The following UNC5C variants were observed in gnomAD, a reference collection of about 807,000 sequenced individuals.
UNC5C encodes netrin receptor UNC5C.
In UNC5C, 47 loss-of-function variants were observed where a neutral mutation model predicts 99.8. The observed-to-expected ratio is 0.47, with a 90% CI of 0.37 to 0.60. The LOEUF is 0.60. Ranked by LOEUF, UNC5C falls within the 20% of genes least tolerant of loss-of-function variation. The pLI is 0.00. For synonymous variants in UNC5C, 487 were observed against 452.2 expected, an observed-to-expected ratio of 1.08 and a Z score of -0.98; for missense variants, 1,062 against 1,165.9, an observed-to-expected ratio of 0.91 and a Z score of 1.30.
At position 95,317,773 on chromosome 4, in the gene UNC5C, T is replaced by C. The variant is rs531924613; in HGVS notation, c.347-16024A>G. ...TTGCCTGTTCCATTTATAGTTACCT[T>C]AGAAATACCGACCAAATGAGGAAAA... is the stretch of plus-strand genomic sequence containing the variant. On this transcript the variant is annotated intron_variant, in intron 2 of 15. Coordinates refer to ENST00000453304, the MANE Select transcript of UNC5C (RefSeq NM_003728.4). Among the ~76,000 whole-genome samples the C allele has an allele frequency of 6.6e-5, 10 of 152,256 alleles. No individual in the cohort carries two copies. The East Asian group carries it at 1.9e-3, about 29-fold the overall frequency.
At chr4:95,275,113 G>C (rs927746013) in intron 4 of UNC5C, among the ~76,000 whole-genome samples, 6 of 152,092 alleles carry the variant, frequency 3.9e-5, no homozygotes, top group African/African-American at 1.4e-4. Flanking sequence ...CAATTATTTG[G>C]TAGTGTTGTT....
intron 10 of UNC5C, among the ~76,000 whole-genome samples, chr4:95,212,415 T>TA (rs1199099229): frequency 6.6e-6 from 1 of 152,194 alleles, no homozygotes; most frequent in Non-Finnish European, 1.5e-5. Flanking sequence ...TGTCTACCCT[T>TA]ACAAACCTTC....
intron 1 of UNC5C, among the ~76,000 whole-genome samples, chr4:95,409,337 A>G (rs768977337): frequency 1.3e-5 from 2 of 152,268 alleles, no homozygotes; most frequent in Admixed American, 6.5e-5. Context: ...ACTCTCATCC[A>G]TCACTCCCAA....
chr4:95,364,531 T>C (rs1489042103), intron 1 of UNC5C, among the ~76,000 whole-genome samples: 2 of 152,200 alleles, frequency 1.3e-5, no homozygotes, highest in South Asian at 2.1e-4. Flanking sequence ...TAGAACCAAA[T>C]GTGTGGCACC....
Position 95,165,449 on chromosome 4 carries a change from C to T in UNC5C, c.*3785G>A, listed in dbSNP as rs988058779. ...AGGTGACTGTTCATTTGGAAGATGCCGTTTGTGAAACAGCTGTTAGCTGTG... is the reference window on the plus strand; with the variant it reads ...AGGTGACTGTTCATTTGGAAGATGCTGTTTGTGAAACAGCTGTTAGCTGTG... On this transcript the variant is annotated 3_prime_UTR_variant, in exon 16 of 16. Coordinates refer to ENST00000453304, the MANE Select transcript of UNC5C (RefSeq NM_003728.4). 1 of 152,120 alleles carries T rather than the reference C, an allele frequency of 6.6e-6. No individual in the cohort carries two copies. Among genetic ancestry groups the T allele is most frequent in the African/African-American group, 2.4e-5 (1 of 41,420 alleles). The allele number at this position is 152,120 out of a possible 1,614,324, so 9.4% of individuals were successfully genotyped here.
intron 1 of UNC5C, among the ~76,000 whole-genome samples, chr4:95,378,991 T>C (rs1198413733): frequency 1.3e-5 from 2 of 152,234 alleles, no homozygotes; most frequent in East Asian, 3.9e-4. Flanking sequence ...TAGGAAAAAT[T>C]ACATATTATT....
chr4:95,448,260 G>GAGAGAGAGAGAGAGAGAGAGAC (rs1560836896), intron 1 of UNC5C, among the ~76,000 whole-genome samples: 6 of 149,970 alleles, frequency 4.0e-5, no homozygotes, highest in African/African-American at 1.5e-4. Flanking sequence ...GAGAGAGAGA[G>GAGAGAGAGAGAGAGAGAGAGAC]AGAAAGCCTG....
At chr4:95,315,630 TAGA>T (rs1292005247) in intron 2 of UNC5C, among the ~76,000 whole-genome samples, 2 of 152,250 alleles carry the variant, frequency 1.3e-5, no homozygotes, top group East Asian at 1.9e-4. Context: ...CAATTTCCAC[TAGA>T]AGAAGAACAG....
chr4:95,169,770 A>C (rs1023280910), intron 15 of UNC5C, among the ~76,000 whole-genome samples: 4 of 152,280 alleles, frequency 2.6e-5, no homozygotes, highest in East Asian at 1.9e-4. Context: ...GACGCTCCAG[A>C]GGTCTCTTTA....
chr4:95,504,792 A>C (rs1721871356), intron 1 of UNC5C, among the ~76,000 whole-genome samples: 1 of 152,126 alleles, frequency 6.6e-6, no homozygotes, highest in African/African-American at 2.4e-5. Flanking sequence ...ATATGTGTGC[A>C]TACCCTCATT....
intron 1 of UNC5C, among the ~76,000 whole-genome samples, chr4:95,461,093 T>C (rs536170937): frequency 6.0e-4 from 92 of 152,376 alleles, no homozygotes; most frequent in African/African-American, 2.1e-3. Context: ...TTTTAAATTA[T>C]TGACAATGAT....
chr4:95,431,928 T>C (rs981181206), intron 1 of UNC5C, among the ~76,000 whole-genome samples: 1 of 152,092 alleles, frequency 6.6e-6, no homozygotes, highest in Non-Finnish European at 1.5e-5. Flanking sequence ...CTGAACAAAT[T>C]GCTTCCCTCA....
chr4:95,326,516 A>G (rs929497726), intron 2 of UNC5C, among the ~76,000 whole-genome samples: 1 of 152,218 alleles, frequency 6.6e-6, no homozygotes, highest in African/African-American at 2.4e-5. Flanking sequence ...TGAAGGCAAC[A>G]TAGGTATGTA....
Position 95,548,834 on chromosome 4 carries a change from T to A in UNC5C, c.24A>T (p.Thr8=), listed in dbSNP as rs747708410. ...CCAGTCCCAGTCCGCAGCGGGCCGCTGTCGCCCGCAGACCTTTCCTCATCG... is the reference window on the plus strand; with the variant it reads ...CCAGTCCCAGTCCGCAGCGGGCCGCAGTCGCCCGCAGACCTTTCCTCATCG... MRKGLRA[T]AARCGLGLGY... Residue 8 remains threonine (T), a synonymous_variant, in exon 1 of 16, where the codon ACA becomes ACT. Transcript: ENST00000453304. 2 of 1,612,664 alleles carry A rather than the reference T, an allele frequency of 1.2e-6. No individual in the cohort carries two copies. Among genetic ancestry groups the A allele is most frequent in the Non-Finnish European group, 1.7e-6 (2 of 1,179,676 alleles).
chr4:95,208,373 C>T (rs141265997), intron 10 of UNC5C, among the ~76,000 whole-genome samples: 2 of 152,298 alleles, frequency 1.3e-5, no homozygotes, highest in African/African-American at 2.4e-5. Context: ...GTATTCCCAA[C>T]ATGAAAGGCT....
intron 1 of UNC5C, among the ~76,000 whole-genome samples, chr4:95,358,725 C>A (rs977345775): frequency 6.6e-6 from 1 of 152,104 alleles, no homozygotes; most frequent in Non-Finnish European, 1.5e-5. Flanking sequence ...AAATAGTTTC[C>A]TTTAAAGTTA....
intron 4 of UNC5C, among the ~76,000 whole-genome samples, chr4:95,272,012 T>G (rs1226801494): frequency 2.0e-5 from 3 of 152,072 alleles, no homozygotes; most frequent in African/African-American, 7.2e-5. Context: ...TTTTCAAGAC[T>G]AGCTCCTTCC....
intron 10 of UNC5C, among the ~76,000 whole-genome samples, chr4:95,207,483 A>G (rs760841258): frequency 2.6e-5 from 4 of 152,292 alleles, no homozygotes; most frequent in Middle Eastern, 3.4e-3. Context: ...CTTTTCCCTA[A>G]CAGGACTGTA....
At chr4:95,192,958 C>A (rs186777269) in intron 12 of UNC5C, among the ~76,000 whole-genome samples, 1 of 152,240 alleles carries the variant, frequency 6.6e-6, no homozygotes, top group Admixed American at 6.5e-5. Flanking sequence ...TCTTTTCTTT[C>A]CCTTTTTAGA....
Sources: gnomAD v4.1 joint callset for allele counts (sites outside exome capture counted in the v4.1 genomes callset) on GRCh38, gnomAD v4.1.1 for gene constraint, MANE v1.5 for transcripts, NCBI Gene and HGNC (gene_info 2026-07-23, HGNC 2026-07-21) for gene names.